Variants in KCNIP4 observed in about 807,000 individuals in gnomAD.
KCNIP4 encodes the protein potassium voltage-gated channel interacting protein 4.
KCNIP4 carries 12 observed loss-of-function variants against 34.0 expected under a neutral mutation model. The ratio of observed to expected loss-of-function variants is 0.35; its 90% CI spans 0.23 to 0.57. KCNIP4 has a LOEUF of 0.57. KCNIP4 is among the 20% of genes least tolerant of loss of function. The pLI, the probability that KCNIP4 is intolerant of heterozygous loss-of-function variation, is 0.83. For synonymous variants in KCNIP4, 124 were observed against 102.2 expected (o/e 1.21, Z -1.29); for missense variants, 238 against 311.7 (o/e 0.76, Z 1.78).
At chr4:20,816,778 T>G (rs908073110) in intron 3 of KCNIP4, among the ~76,000 whole-genome samples, 1 of 152,242 alleles carries the variant, frequency 6.6e-6, no homozygotes, top group Non-Finnish European at 1.5e-5. Flanking sequence ...TTTGAATTTT[T>G]CCGTCATAGA....
At chr4:21,148,222 A>T (rs1752522839) in intron 1 of KCNIP4, among the ~76,000 whole-genome samples, 1 of 152,172 alleles carries the variant, frequency 6.6e-6, no homozygotes, top group African/African-American at 2.4e-5. Context: ...CTTTAGGCTA[A>T]GGAACTATAT....
intron 1 of KCNIP4, among the ~76,000 whole-genome samples, chr4:21,926,451 T>C (rs1477484982): frequency 6.6e-6 from 1 of 152,190 alleles, no homozygotes; most frequent in Non-Finnish European, 1.5e-5. Flanking sequence ...AGCAGGTGTT[T>C]TCACTATTTG....
At chr4:21,476,663 G>T (rs746101589) in intron 1 of KCNIP4, among the ~76,000 whole-genome samples, 1 of 152,114 alleles carries the variant, frequency 6.6e-6, no homozygotes, top group Non-Finnish European at 1.5e-5. Flanking sequence ...TAAATATTAA[G>T]ACTCCAAATC....
chr4:21,567,117 T>A lies in KCNIP4; in HGVS notation c.61+381454A>T, dbSNP rs190395725. On this transcript the variant is annotated intron_variant, in intron 1 of 8. Transcript: ENST00000382152. ...TTTATTAATTATCTCCTATAATCAC[T>A]ATGACAAAGATAGTTAATTCCCTGC... 5.6e-4 allele frequency among the ~76,000 whole-genome samples: 86 copies of A among 152,242 alleles called. 1 individual carries two copies. The highest frequency in any genetic ancestry group is 2.0e-3 in the African/African-American group (84 of 41,544).
chr4:21,732,463 G>A (rs952301837), intron 1 of KCNIP4, among the ~76,000 whole-genome samples: 6 of 152,128 alleles, frequency 3.9e-5, no homozygotes, highest in African/African-American at 1.4e-4. Context: ...TGGCTAGTCT[G>A]AAGCTCTGCA....
At chr4:21,618,876 G>A (rs572875229) in intron 1 of KCNIP4, among the ~76,000 whole-genome samples, 110 of 151,824 alleles carry the variant, frequency 7.2e-4, no homozygotes, top group African/African-American at 2.5e-3. Context: ...CTCGTGATCC[G>A]CCCACCACAG....
At chr4:21,539,063 C>T (rs532138957) in intron 1 of KCNIP4, among the ~76,000 whole-genome samples, 95 of 152,260 alleles carry the variant, frequency 6.2e-4, no homozygotes, top group Admixed American at 2.2e-3. Context: ...TCGCTCCTGC[C>T]GCCTTGTGAA....
At chr4:21,518,532 CA>C (rs1203506706) in intron 1 of KCNIP4, among the ~76,000 whole-genome samples, 1 of 152,100 alleles carries the variant, frequency 6.6e-6, no homozygotes. Context: ...ATTCAGCTCT[CA>C]ACCACTCAGG....
chr4:21,143,396 G>A (rs937511076), intron 1 of KCNIP4, among the ~76,000 whole-genome samples: 2 of 152,156 alleles, frequency 1.3e-5, no homozygotes, highest in African/African-American at 4.8e-5. Flanking sequence ...AGTCAGCAAG[G>A]AAATGGGGAA....
chr4:21,326,650 G>C (rs1193951684), intron 1 of KCNIP4, among the ~76,000 whole-genome samples: 1 of 151,272 alleles, frequency 6.6e-6, no homozygotes, highest in Non-Finnish European at 1.5e-5. Context: ...GGTTATCATT[G>C]ATAAATAGAG....
intron 1 of KCNIP4, among the ~76,000 whole-genome samples, chr4:21,596,069 C>T (rs954260450): frequency 6.6e-6 from 1 of 152,088 alleles, no homozygotes; most frequent in Non-Finnish European, 1.5e-5. Flanking sequence ...GCAACCAACG[C>T]CTTGTATCAT....
chr4:21,402,361 C>G (rs1033637954), intron 1 of KCNIP4, among the ~76,000 whole-genome samples: 1 of 152,148 alleles, frequency 6.6e-6, no homozygotes, highest in Admixed American at 6.6e-5. Context: ...CCGTGTAATA[C>G]TTTGTCTCTT....
intron 3 of KCNIP4, among the ~76,000 whole-genome samples, chr4:20,791,627 C>A (rs866192612): frequency 6.6e-6 from 1 of 151,632 alleles, no homozygotes; most frequent in Admixed American, 6.6e-5. Context: ...TGCTATAAAC[C>A]CTAAAGCAAA....
intron 1 of KCNIP4, among the ~76,000 whole-genome samples, chr4:21,748,353 AT>A (rs1560684473): frequency 1.3e-5 from 2 of 152,170 alleles, no homozygotes. Flanking sequence ...TCTCAATTGC[AT>A]AGGATTGTTA....
chr4:21,423,322 A>T (rs980327078), intron 1 of KCNIP4, among the ~76,000 whole-genome samples: 1 of 152,256 alleles, frequency 6.6e-6, no homozygotes, highest in African/African-American at 2.4e-5. Context: ...TGCAAAAAAC[A>T]TAAGTTTGAG....
At chr4:21,802,668 A>G (rs2109255421) in intron 1 of KCNIP4, among the ~76,000 whole-genome samples, 1 of 152,320 alleles carries the variant, frequency 6.6e-6, no homozygotes. Context: ...AGACATGGGA[A>G]TTAATCACTC....
intron 1 of KCNIP4, among the ~76,000 whole-genome samples, chr4:20,973,540 A>T (rs1363034901): frequency 2.6e-5 from 4 of 152,206 alleles, no homozygotes; most frequent in Admixed American, 2.6e-4. Flanking sequence ...GTGAAGTAGC[A>T]CTTTTCCTTT....
chr4:21,799,040 G>GA (rs149730852), intron 1 of KCNIP4, among the ~76,000 whole-genome samples: 7,859 of 149,234 alleles, frequency 0.053, 287 homozygotes, highest in African/African-American at 0.096. Flanking sequence ...GGAAAAAAAT[G>GA]AAAAAAAAAC....
intron 1 of KCNIP4, among the ~76,000 whole-genome samples, chr4:21,601,287 T>C (rs944855227): frequency 6.6e-6 from 1 of 152,010 alleles, no homozygotes; most frequent in Non-Finnish European, 1.5e-5. Flanking sequence ...AATTTCAACA[T>C]CCATGCAATT....
Sources: allele counts gnomAD v4.1 joint callset (sites outside exome capture counted in the v4.1 genomes callset), GRCh38; gene constraint gnomAD v4.1.1; transcripts MANE v1.5; gene names NCBI Gene and HGNC (gene_info 2026-07-23, HGNC 2026-07-21).